SAP30BP: variants seen among roughly 807,000 people sequenced by gnomAD.
The protein encoded by SAP30BP is SAP30 binding protein, also known as SAP30-binding protein.
SAP30BP carries 31 observed loss-of-function variants against 46.3 expected under a neutral mutation model. The ratio of observed to expected loss-of-function variants is 0.67; its 90% CI spans 0.50 to 0.90. The LOEUF (loss-of-function observed/expected upper bound fraction) is 0.90. Ranked by LOEUF, SAP30BP falls within the 40% of genes least tolerant of loss-of-function variation. The probability of loss-of-function intolerance (pLI) is 0.00; values close to 1 mark genes in which losing one functional copy is unlikely to be tolerated. For synonymous variants in SAP30BP, 169 were observed against 144.2 expected, an observed-to-expected ratio of 1.17 and a Z score of -1.23; for missense variants, 312 against 391.0, an observed-to-expected ratio of 0.80 and a Z score of 1.70.
At chr17:75,682,899 G>C (rs905429993) in intron 3 of SAP30BP, among the ~76,000 whole-genome samples, 10 of 148,248 alleles carry the variant, frequency 6.7e-5, no homozygotes, top group African/African-American at 2.2e-4. Flanking sequence ...GGAGTCGGAG[G>C]TTGCGGTGAG....
chr17:75,692,402 C>T, intron 3 of SAP30BP: 9 of 985,442 alleles, frequency 9.1e-6, no homozygotes, highest in South Asian at 4.7e-5. Flanking sequence ...AAAGACATGG[C>T]GTCCAGCAAC....
chr17:75,702,354 A>C, intron 5 of SAP30BP, 126 bp from the exon 6 acceptor site: 2 of 524,746 alleles, frequency 3.8e-6, no homozygotes, highest in South Asian at 6.1e-5. Context: ...CATGAGGTCA[A>C]GTTGGGCTTT....
chr17:75,685,920 C>T (rs894560794), intron 3 of SAP30BP, among the ~76,000 whole-genome samples: 1 of 143,902 alleles, frequency 6.9e-6, no homozygotes, highest in Non-Finnish European at 1.6e-5. Flanking sequence ...TTTCAAGAAA[C>T]CAAAAATCTT....
chr17:75,682,578 C>G (rs2060093870), intron 3 of SAP30BP, among the ~76,000 whole-genome samples: 1 of 152,098 alleles, frequency 6.6e-6, no homozygotes, highest in South Asian at 2.1e-4. Flanking sequence ...TTGTCTCTAT[C>G]TATATATAAA....
chr17:75,687,121 G>A (rs1286422278), intron 3 of SAP30BP, among the ~76,000 whole-genome samples: 1 of 152,198 alleles, frequency 6.6e-6, no homozygotes, highest in Non-Finnish European at 1.5e-5. Context: ...TGTGAAAAAT[G>A]AGATTCTTAA....
At chr17:75,677,993 G>C (rs919758143) in intron 3 of SAP30BP, among the ~76,000 whole-genome samples, 2 of 152,150 alleles carry the variant, frequency 1.3e-5, no homozygotes, top group East Asian at 3.9e-4. Flanking sequence ...TTATTGCTCT[G>C]AAAATGTCCG....
intron 6 of SAP30BP, chr17:75,703,076 C>T (rs942266581): frequency 1.8e-6 from 1 of 566,380 alleles, no homozygotes; most frequent in African/African-American, 1.9e-5. Context: ...GCTGTGCAGA[C>T]TGAAGGTCAG....
intron 1 of SAP30BP, 29 bp from the exon 2 acceptor site, chr17:75,668,483 TTTTG>T (rs570003965): frequency 2.3e-4 from 302 of 1,339,558 alleles, no homozygotes; most frequent in Non-Finnish European, 2.8e-4. Context: ...TTTTCTTGCT[TTTTG>T]TTTGTTTGTT....
At chr17:75,694,565 A>C (rs905065286) in intron 4 of SAP30BP, among the ~76,000 whole-genome samples, 1 of 152,238 alleles carries the variant, frequency 6.6e-6, no homozygotes, top group Non-Finnish European at 1.5e-5. Flanking sequence ...TTAGGGGTGC[A>C]ACATTTGGCT....
At chr17:75,698,654 C>T (rs2060358582) in intron 4 of SAP30BP, among the ~76,000 whole-genome samples, 1 of 151,274 alleles carries the variant, frequency 6.6e-6, no homozygotes, top group South Asian at 2.1e-4. Context: ...GTGGCTGGAG[C>T]TGGTTTACAG....
rs766308711 is a variant in SAP30BP, at chr17:75,706,073, T to G, written c.726T>G (p.Thr242=). The change falls in exon 10 of 11, where the codon ACT becomes ACG. Residue 242 remains threonine (T), a synonymous_variant. Coordinates refer to ENST00000584667, the MANE Select transcript of SAP30BP (RefSeq NM_013260.8). This position sits in a 1 kb window ranked among gnomAD's most constrained non-coding sequence, Gnocchi z 4.6. ...ACGCCACGTCCACCACCACTACCAC[T>G]GCCAGCACAGCTGTTGCAGGTAGAT... ...TTNATSTTTT[T]ASTAVADAQK... The G allele has an allele frequency of 3.7e-5, 59 of 1,613,024 alleles. No individual in the cohort carries two copies. The highest frequency in any genetic ancestry group is 4.1e-5 in the Non-Finnish European group (48 of 1,179,662).
rs1349922762 is a variant in SAP30BP at position 75,706,492 on chromosome 17, G to A, written c.898G>A (p.Gly300Ser). 6.2e-7 allele frequency: 1 copy of A among 1,614,124 alleles called. No homozygotes were observed. The change falls in exon 11 of 11, where the codon GGC becomes AGC. Residue 300 changes from glycine (G) to serine (S), a missense_variant. Physicochemically the swap from Gly to Ser is moderately conservative, Grantham distance 56. Around this residue, in one of 2 missense-constraint regions of SAP30BP, gnomAD observed 16 missense variants for 44.4 expected, o/e 0.36. Coordinates refer to ENST00000584667, the MANE Select transcript of SAP30BP (RefSeq NM_013260.8). The surrounding 1 kb of genome is among the most constrained non-coding windows in gnomAD (Gnocchi z 4.6). ...GSKTTVISAVGTIVKKAKQ is the reference protein window; with the variant it reads ...GSKTTVISAVSTIVKKAKQ ...CAAGACCACCGTCATCTCTGCTGTG[G>A]GCACCATTGTGAAGAAGGCCAAGCA...
At chr17:75,671,760 G>A in intron 2 of SAP30BP, 56 bp from the exon 3 acceptor site, 2 of 1,413,050 alleles carry the variant, frequency 1.4e-6, no homozygotes, top group South Asian at 2.3e-5. Flanking sequence ...TTATGCATGT[G>A]AGACTCCTCA....
intron 1 of SAP30BP, chr17:75,668,259 C>G (rs569678998): frequency 4.7e-6 from 2 of 423,920 alleles, no homozygotes; most frequent in East Asian, 8.3e-5. Flanking sequence ...TAGTGTTTAT[C>G]TAGTGTTTAT....
chr17:75,675,116 A>G (rs1478608953), intron 3 of SAP30BP, among the ~76,000 whole-genome samples: 2 of 152,038 alleles, frequency 1.3e-5, no homozygotes, highest in Admixed American at 6.6e-5. Context: ...ACTAGGTGGC[A>G]TTCTCCTTTC....
chr17:75,673,778 G>A (rs80235518), intron 3 of SAP30BP, among the ~76,000 whole-genome samples: 1 of 152,292 alleles, frequency 6.6e-6, no homozygotes, highest in Admixed American at 6.5e-5. Context: ...CCCAAAAAAG[G>A]TGAAGCTGGG....
chr17:75,702,324 G>C (rs1187826733), intron 5 of SAP30BP, among the ~76,000 whole-genome samples, 156 bp from the exon 6 acceptor site: 4 of 152,138 alleles, frequency 2.6e-5, no homozygotes, highest in Non-Finnish European at 2.9e-5. Flanking sequence ...GTGCCTGGCT[G>C]AGGATAGGTT....
intron 6 of SAP30BP, 55 bp from the exon 7 acceptor site, chr17:75,703,256 G>A: frequency 3.2e-6 from 5 of 1,552,574 alleles, no homozygotes; most frequent in Non-Finnish European, 4.4e-6. Context: ...GATGGTTCAG[G>A]TCCCATGCAG....
At position 75,702,699 on chromosome 17, in the gene SAP30BP, G is replaced by A. The variant is rs2060431978; in HGVS notation, c.488+128G>A. The A allele has an allele frequency of 5.7e-6, 3 of 524,692 alleles. No individual in the cohort carries two copies. In the African/African-American group the frequency reaches 5.8e-5, roughly 10 times the overall value. 32.5% of individuals were successfully genotyped at this position (524,692 alleles called of 1,614,324 possible). On this transcript the variant is annotated intron_variant, in intron 6 of 10. Coordinates refer to ENST00000584667, the MANE Select transcript of SAP30BP (RefSeq NM_013260.8). Reference sequence around the variant, plus strand: ...CATCACCCAGACTTGTCATTACACTGAGTGCCTGCTGGACATGGCGGACTG... The same window carrying A: ...CATCACCCAGACTTGTCATTACACTAAGTGCCTGCTGGACATGGCGGACTG...
Sources: allele counts gnomAD v4.1 joint callset (sites outside exome capture counted in the v4.1 genomes callset), GRCh38; gene constraint gnomAD v4.1.1; regional missense constraint gnomAD v4.1.1; non-coding constraint Gnocchi (gnomAD v3.1); transcripts MANE v1.5; gene names NCBI Gene and HGNC (gene_info 2026-07-23, HGNC 2026-07-21).